The following IGLL1 variants were observed in gnomAD, a reference collection of about 807,000 sequenced individuals.
IGLL1 encodes immunoglobulin lambda-like polypeptide 1.
A neutral mutation model predicts 10.5 loss-of-function variants in IGLL1; 10 were observed. The ratio of observed to expected loss-of-function variants is 0.95; its 90% CI spans 0.59 to 1.62. The LOEUF (loss-of-function observed/expected upper bound fraction) is 1.62. Ranked by LOEUF, IGLL1 falls within the 40% of genes most tolerant of loss-of-function variation. The pLI is 0.00. For missense variants in IGLL1, 284 were observed against 278.7 expected, an observed-to-expected ratio of 1.02 and a Z score of -0.14; for synonymous variants, 141 against 122.7, an observed-to-expected ratio of 1.15 and a Z score of -0.99.
intron 1 of IGLL1, among the ~76,000 whole-genome samples, chr22:23,579,290 G>A (rs1261866533): frequency 6.6e-6 from 1 of 152,144 alleles, no homozygotes; most frequent in Non-Finnish European, 1.5e-5. Flanking sequence ...AATGGACCCC[G>A]ATGCTTGGTG....
intron 1 of IGLL1, among the ~76,000 whole-genome samples, chr22:23,577,348 A>G (rs6003803): frequency 0.17 from 26,578 of 152,048 alleles, 5,583 homozygotes; most frequent in African/African-American, 0.51. Flanking sequence ...AGGCCAGCCC[A>G]GGCAACATAG....
Position 23,580,096 on chromosome 22 carries a change from G to T in IGLL1, c.95C>A (p.Ala32Asp). 6.4e-7 allele frequency: 1 copy of T among 1,570,510 alleles called. No individual in the cohort carries two copies. Among genetic ancestry groups the T allele is most frequent in the Non-Finnish European group, 8.6e-7 (1 of 1,160,492 alleles). ...QRWPLLLLGL[A>D]VVTHGLLRPT... ...GCGCAGCAGGCCATGGGTTACCACG[G>T]CCAGACCCAGCAGCAGCAGGGGCCA... The change falls in exon 1 of 3, where the codon GCC (alanine) becomes GAC (aspartate). Residue 32 changes from alanine to aspartate, a missense_variant. Coordinates refer to ENST00000330377, the MANE Select transcript of IGLL1 (RefSeq NM_020070.4).
At chr22:23,577,457 C>A (rs574704563) in intron 1 of IGLL1, among the ~76,000 whole-genome samples, 3 of 150,426 alleles carry the variant, frequency 2.0e-5, no homozygotes, top group East Asian at 1.9e-4. Flanking sequence ...ATGAAAATAT[C>A]TTTTAATAAG....
rs780805400 is a variant in IGLL1, at chr22:23,580,080, G to C, written c.111C>G (p.Gly37=). 2.2e-5 allele frequency: 34 copies of C among 1,571,954 alleles called. No homozygotes were observed. In the African/African-American group the frequency reaches 3.9e-4, roughly 18 times the overall value. Residue 37 remains glycine (G), a synonymous_variant, in exon 1 of 3, where the codon GGC becomes GGG. Coordinates refer to ENST00000330377, the MANE Select transcript of IGLL1 (RefSeq NM_020070.4). The part of the protein sequence containing the change: ...LLLGLAVVTH[G]LLRPTAASQS... ...GCGATGCAGCTGTTGGGCGCAGCAG[G>C]CCATGGGTTACCACGGCCAGACCCA...
intron 2 of IGLL1, among the ~76,000 whole-genome samples, chr22:23,574,407 T>C (rs1483464585): frequency 6.6e-6 from 1 of 152,298 alleles, no homozygotes; most frequent in South Asian, 2.1e-4. Context: ...GTGACTGTCC[T>C]GGGAGGGCTG....
At chr22:23,575,188 G>A in intron 1 of IGLL1, 106 bp from the exon 2 acceptor site, 1 of 823,912 alleles carries the variant, frequency 1.2e-6, no homozygotes, top group Non-Finnish European at 2.2e-6. Flanking sequence ...GTGTCTCTGT[G>A]CCTGTCCCTT....
intron 1 of IGLL1, 112 bp downstream of exon 1, chr22:23,579,873 C>A: frequency 1.3e-6 from 1 of 798,890 alleles, no homozygotes; most frequent in East Asian, 2.7e-5. Flanking sequence ...TCTGTGGCTC[C>A]CCTCCAGGGA....
intron 1 of IGLL1, among the ~76,000 whole-genome samples, chr22:23,576,206 C>G (rs1423007122): frequency 6.6e-6 from 1 of 152,010 alleles, no homozygotes; most frequent in Non-Finnish European, 1.5e-5. Context: ...CAGCCAGAAA[C>G]CTGGAGTCCC....
intron 1 of IGLL1, among the ~76,000 whole-genome samples, chr22:23,575,657 C>T (rs551154000): frequency 8.5e-5 from 13 of 152,322 alleles, no homozygotes; most frequent in African/African-American, 2.9e-4. Flanking sequence ...GTCCATCCAT[C>T]TACCTGTCCG....
Position 23,580,136 on chromosome 22 carries a change from T to TG in IGLL1, c.54dup (p.Asn19GlnfsTer74). Reference sequence around the variant, plus strand: ...AGCAGGGGCCAGCGCTGCCTGAGGTTGGGGCCTGGCTCACCAGGGGCCTCA... The same window carrying TG: ...AGCAGGGGCCAGCGCTGCCTGAGGTTGGGGGCCTGGCTCACCAGGGGCCTCA... On this transcript the variant is annotated frameshift_variant, in exon 1 of 3. Coordinates refer to ENST00000330377, the MANE Select transcript of IGLL1 (RefSeq NM_020070.4). LOFTEE classifies it high-confidence loss of function. 1 of 1,559,292 alleles carries TG rather than the reference T, an allele frequency of 6.4e-7. No individual in the cohort carries two copies. Among genetic ancestry groups the TG allele is most frequent in the Non-Finnish European group, 8.7e-7 (1 of 1,154,942 alleles).
intron 1 of IGLL1, among the ~76,000 whole-genome samples, chr22:23,577,906 T>G: frequency 7.2e-6 from 1 of 137,996 alleles, no homozygotes; most frequent in Admixed American, 7.2e-5. Flanking sequence ...TTTTTTTGAG[T>G]GGGAGTCTCG....
At chr22:23,579,930 T>C in intron 1 of IGLL1, 55 bp downstream of exon 1, 1 of 1,477,310 alleles carries the variant, frequency 6.8e-7, no homozygotes, top group South Asian at 1.2e-5. Context: ...TTGGTCATCC[T>C]TTCCCGCCTC....
chr22:23,580,154 G>A lies in IGLL1; in HGVS notation c.37C>T (p.Pro13Ser). ...CTGAGGTTGGGGCCTGGCTCACCAG[G>A]GGCCTCAAGGCCCCCCTGGCCTGTC... Reference protein sequence around the residue: ...PGTGQGGLEAPGEPGPNLRQR... With the variant: ...PGTGQGGLEASGEPGPNLRQR... Residue 13 changes from proline to serine, a missense_variant, in exon 1 of 3, where the codon CCT becomes TCT. Transcript: ENST00000330377. The A allele has an allele frequency of 1.3e-6, 2 of 1,550,030 alleles. No homozygotes were observed. Among genetic ancestry groups the A allele is most frequent in the South Asian group, 2.4e-5 (2 of 84,530 alleles).
intron 1 of IGLL1, among the ~76,000 whole-genome samples, chr22:23,576,262 C>CTT (rs910086202): frequency 2.0e-5 from 3 of 149,092 alleles, no homozygotes; most frequent in African/African-American, 5.0e-5. Context: ...CTTCTGCGAA[C>CTT]TTAGCTACTG....
chr22:23,578,976 G>GA (rs536088917), intron 1 of IGLL1, among the ~76,000 whole-genome samples: 51 of 151,306 alleles, frequency 3.4e-4, no homozygotes, highest in Non-Finnish European at 6.8e-4. Flanking sequence ...ATTTGAAAAA[G>GA]AAAAAAAAGA....
At chr22:23,576,907 TC>T (rs1423359304) in intron 1 of IGLL1, among the ~76,000 whole-genome samples, 4 of 151,968 alleles carry the variant, frequency 2.6e-5, no homozygotes, top group Non-Finnish European at 5.9e-5. Context: ...CATTCTTCCC[TC>T]CCCCTCACCC....
At chr22:23,579,344 G>A (rs755031716) in intron 1 of IGLL1, among the ~76,000 whole-genome samples, 1 of 152,144 alleles carries the variant, frequency 6.6e-6, no homozygotes, top group African/African-American at 2.4e-5. Flanking sequence ...GGTGGCAATG[G>A]CTGAGGTCAC....
At chr22:23,575,681 C>T (rs1349441994) in intron 1 of IGLL1, among the ~76,000 whole-genome samples, 1 of 152,210 alleles carries the variant, frequency 6.6e-6, no homozygotes, top group Non-Finnish European at 1.5e-5. Flanking sequence ...ATCCATAAAT[C>T]CATCCTGTCT....
chr22:23,574,512 GCCCT>G (rs1314977440), intron 2 of IGLL1, among the ~76,000 whole-genome samples: 1 of 152,116 alleles, frequency 6.6e-6, no homozygotes, highest in Non-Finnish European at 1.5e-5. Context: ...CCCTCTCTGT[GCCCT>G]CCATTGGTCT....
Sources: gnomAD v4.1 joint callset for allele counts (sites outside exome capture counted in the v4.1 genomes callset) on GRCh38, gnomAD v4.1.1 for gene constraint, MANE v1.5 for transcripts, NCBI Gene and HGNC (gene_info 2026-07-23, HGNC 2026-07-21) for gene names.